Variants in NSMCE2 observed in about 807,000 individuals in gnomAD.
NSMCE2 encodes NSE2 SUMO ligase component of SMC5/6 complex.
NSMCE2 carries 24 observed loss-of-function variants against 23.8 expected under a neutral mutation model. That is an observed-to-expected ratio of 1.01 (90% CI 0.73 to 1.42). The LOEUF (loss-of-function observed/expected upper bound fraction) is 1.42, where lower values mean the gene tolerates loss of function less well. NSMCE2 is among the 40% of genes most tolerant of loss of function. The pLI is 0.00. For missense variants in NSMCE2, 284 were observed against 296.5 expected, an observed-to-expected ratio of 0.96 and a Z score of 0.31; for synonymous variants, 92 against 94.1, an observed-to-expected ratio of 0.98 and a Z score of 0.13.
intron 4 of NSMCE2, among the ~76,000 whole-genome samples, chr8:125,159,492 CT>C (rs558430473): frequency 2.6e-4 from 39 of 152,258 alleles, no homozygotes; most frequent in African/African-American, 9.4e-4. Flanking sequence ...GAGTAATAGG[CT>C]TACTATAGAG....
intron 5 of NSMCE2, among the ~76,000 whole-genome samples, chr8:125,316,473 G>A (rs1182053178): frequency 6.6e-6 from 1 of 152,184 alleles, no homozygotes; most frequent in Non-Finnish European, 1.5e-5. Context: ...TCAGAAGCTG[G>A]AATTTTCAGG....
rs190104103 is a variant in NSMCE2, at chr8:125,243,729, C to T, written c.418+61473C>T. On this transcript the variant is annotated intron_variant, in intron 5 of 7. Transcript: ENST00000287437. ...GTCAGGTAAGGTGGAGTGAGGGAGG[C>T]GATAGTTATCTCAAAAGAAAGAGAA... 3.0e-3 allele frequency among the ~76,000 whole-genome samples: 459 copies of T among 152,136 alleles called. 3 individuals carry two copies. Among genetic ancestry groups the T allele is most frequent in the Non-Finnish European group, 3.8e-3 (258 of 67,996 alleles).
intron 3 of NSMCE2, among the ~76,000 whole-genome samples, chr8:125,119,612 TGA>T (rs1361371582): frequency 6.6e-6 from 1 of 152,158 alleles, no homozygotes; most frequent in Non-Finnish European, 1.5e-5. Flanking sequence ...TGGAAATAAT[TGA>T]GACTAGTTTA....
rs193209985 is a variant in NSMCE2 at position 125,313,926 on chromosome 8, A to G, written c.419-43293A>G. The stretch of plus-strand genomic sequence containing the variant: ...AAAGCAACTGATGCTTTCTTACTCT[A>G]TCTTCCAACCAAGACCCCCTAGAAA... On this transcript the variant is annotated intron_variant, in intron 5 of 7. Coordinates refer to ENST00000287437, the MANE Select transcript of NSMCE2 (RefSeq NM_173685.4). 2.2e-3 allele frequency among the ~76,000 whole-genome samples: 335 copies of G among 152,346 alleles called. 1 individual carries two copies. Among genetic ancestry groups the G allele is most frequent in the African/African-American group, 7.7e-3 (322 of 41,578 alleles).
chr8:125,353,807 C>T (rs762207677), intron 5 of NSMCE2, among the ~76,000 whole-genome samples: 1 of 151,458 alleles, frequency 6.6e-6, no homozygotes, highest in African/African-American at 2.4e-5. Context: ...TGCTTGAACC[C>T]GGGAGGCAGA....
chr8:125,275,385 G>A (rs188032595), intron 5 of NSMCE2, among the ~76,000 whole-genome samples: 345 of 152,166 alleles, frequency 2.3e-3, no homozygotes, highest in African/African-American at 7.7e-3. Flanking sequence ...CTATCTTGCC[G>A]AGTGGGCTAT....
chr8:125,182,306 G>C (rs1474410186), intron 5 of NSMCE2, 50 bp downstream of exon 5: 1 of 1,415,948 alleles, frequency 7.1e-7, no homozygotes. Context: ...TTAGGGAACT[G>C]ACTTGATGAA....
chr8:125,118,139 C>G (rs929380697), intron 3 of NSMCE2, among the ~76,000 whole-genome samples: 1 of 151,874 alleles, frequency 6.6e-6, no homozygotes, highest in Non-Finnish European at 1.5e-5. Context: ...CACCTGAGGT[C>G]ACGTGACCTC....
At chr8:125,305,138 T>C (rs536565858) in intron 5 of NSMCE2, among the ~76,000 whole-genome samples, 38 of 152,346 alleles carry the variant, frequency 2.5e-4, no homozygotes, top group African/African-American at 8.9e-4. Context: ...TAAATGGAGA[T>C]ATTAAATTAA....
At chr8:125,210,442 C>T (rs900181631) in intron 5 of NSMCE2, among the ~76,000 whole-genome samples, 18 of 152,072 alleles carry the variant, frequency 1.2e-4, no homozygotes, top group African/African-American at 4.3e-4. Context: ...ATTTTTATGT[C>T]CTCAGCAGCT....
At chr8:125,192,143 A>G (rs930642186) in intron 5 of NSMCE2, among the ~76,000 whole-genome samples, 40 of 152,168 alleles carry the variant, frequency 2.6e-4, no homozygotes, top group Non-Finnish European at 3.8e-4. Flanking sequence ...GCCTGAATCT[A>G]GATTAGGAAG....
intron 5 of NSMCE2, among the ~76,000 whole-genome samples, chr8:125,354,183 C>CCTT (rs1335299444): frequency 6.6e-6 from 1 of 152,086 alleles, no homozygotes; most frequent in Non-Finnish European, 1.5e-5. Flanking sequence ...CTGCCCACCT[C>CCTT]AGCCTCCCAA....
chr8:125,149,163 TC>T (rs1312877494), intron 3 of NSMCE2, among the ~76,000 whole-genome samples: 1 of 152,188 alleles, frequency 6.6e-6, no homozygotes, highest in African/African-American at 2.4e-5. Flanking sequence ...TACAAATTTT[TC>T]TTATGTAAAC....
intron 5 of NSMCE2, among the ~76,000 whole-genome samples, chr8:125,345,419 T>C (rs1208947531): frequency 2.0e-5 from 3 of 152,220 alleles, no homozygotes; most frequent in Admixed American, 2.0e-4. Flanking sequence ...CTTTTTATTG[T>C]GGTAAATTTG....
intron 4 of NSMCE2, among the ~76,000 whole-genome samples, chr8:125,174,941 A>G (rs1380596078): frequency 2.0e-5 from 3 of 152,214 alleles, no homozygotes; most frequent in South Asian, 2.1e-4. Context: ...AGAAACTGGC[A>G]TGAGATGAAG....
At chr8:125,363,452 G>A (rs1344878650) in intron 7 of NSMCE2, 1 of 151,432 alleles carries the variant, frequency 6.6e-6, no homozygotes, top group African/African-American at 2.4e-5. Context: ...GTCACAGTAA[G>A]CAGAGATAGT....
At chr8:125,097,701 T>C (rs1214761607) in intron 1 of NSMCE2, among the ~76,000 whole-genome samples, 1 of 152,180 alleles carries the variant, frequency 6.6e-6, no homozygotes, top group Non-Finnish European at 1.5e-5. Flanking sequence ...TTCATTCTTT[T>C]AATATGGAAC....
chr8:125,102,308 A>G lies in NSMCE2; in HGVS notation c.-14-9A>G, dbSNP rs746719213. 1 of 1,600,002 alleles carries G rather than the reference A, an allele frequency of 6.2e-7. No homozygotes were observed. Among genetic ancestry groups the G allele is most frequent in the South Asian group, 1.1e-5 (1 of 90,456 alleles). ...TACGAATCTTGTTTCATTGTGTTTG[A>G]AAACTTAGGTACTAATTTCAAGATG... is the stretch of plus-strand genomic sequence containing the variant. On this transcript the variant is annotated splice_polypyrimidine_tract_variant and intron_variant, in intron 2 of 7. Coordinates refer to ENST00000287437, the MANE Select transcript of NSMCE2 (RefSeq NM_173685.4).
In NSMCE2 at chr8:125,190,718, T is replaced by C. The variant is rs1586587548; in HGVS notation, c.418+8462T>C. On this transcript the variant is annotated intron_variant, in intron 5 of 7. Transcript: ENST00000287437. Reference sequence around the variant, plus strand: ...TCATCTTAGGTTTGCCCTATTCCTATTGGATGATAGTTATAATACAGGTCA... The same window carrying C: ...TCATCTTAGGTTTGCCCTATTCCTACTGGATGATAGTTATAATACAGGTCA... 2.0e-5 allele frequency among the ~76,000 whole-genome samples: 3 copies of C among 152,246 alleles called. No homozygotes were observed. The South Asian group carries it at 6.2e-4, about 32-fold the overall frequency.
Sources: gnomAD v4.1 joint callset for allele counts (sites outside exome capture counted in the v4.1 genomes callset) on GRCh38, gnomAD v4.1.1 for gene constraint, MANE v1.5 for transcripts, NCBI Gene and HGNC (gene_info 2026-07-23, HGNC 2026-07-21) for gene names.